PPP2R5E: variants seen among roughly 807,000 people sequenced by gnomAD.
PPP2R5E encodes serine/threonine-protein phosphatase 2A 56 kDa regulatory subunit epsilon isoform.
Under a neutral mutation model 65.3 loss-of-function variants are expected in PPP2R5E, and 4 were observed. The ratio of observed to expected loss-of-function variants is 0.06; its 90% CI spans 0.03 to 0.14. PPP2R5E has a LOEUF of 0.14. PPP2R5E is among the 10% of genes least tolerant of loss of function. The probability of loss-of-function intolerance (pLI) is 1.00; values close to 1 mark genes in which losing one functional copy is unlikely to be tolerated. For synonymous variants in PPP2R5E, 183 were observed against 187.4 expected, an observed-to-expected ratio of 0.98 and a Z score of 0.19; for missense variants, 274 against 556.1, an observed-to-expected ratio of 0.49 and a Z score of 5.10.
intron 2 of PPP2R5E, among the ~76,000 whole-genome samples, chr14:63,501,008 C>T (rs551257823): frequency 6.0e-4 from 92 of 152,318 alleles, no homozygotes; most frequent in Middle Eastern, 3.4e-3. Context: ...CTATTATTAT[C>T]TCCCACTTTA....
At chr14:63,501,120 C>A (rs532957807) in intron 2 of PPP2R5E, among the ~76,000 whole-genome samples, 1 of 152,184 alleles carries the variant, frequency 6.6e-6, no homozygotes, top group East Asian at 1.9e-4. Flanking sequence ...TTAATAAGGG[C>A]CGGGCGCAGT....
chr14:63,492,736 A>AT (rs1031254918), intron 2 of PPP2R5E, among the ~76,000 whole-genome samples: 4 of 152,004 alleles, frequency 2.6e-5, no homozygotes, highest in African/African-American at 9.7e-5. Flanking sequence ...TGTTTGTTGA[A>AT]TTTTTTTGTT....
At chr14:63,397,502 TA>T (rs1163450765) in intron 5 of PPP2R5E, among the ~76,000 whole-genome samples, 3,283 of 62,156 alleles carry the variant, frequency 0.053, 204 homozygotes, top group African/African-American at 0.18. Context: ...ATTCGGTCTT[TA>T]AAAAAAAAAA....
chr14:63,493,846 C>T (rs1891410081), intron 2 of PPP2R5E, among the ~76,000 whole-genome samples: 2 of 152,038 alleles, frequency 1.3e-5, no homozygotes, highest in African/African-American at 4.8e-5. Flanking sequence ...ATAAGATTAA[C>T]CAGTAATGAT....
chr14:63,498,945 T>C (rs7144596), intron 2 of PPP2R5E, among the ~76,000 whole-genome samples: 6,447 of 152,136 alleles, frequency 0.042, 419 homozygotes, highest in African/African-American at 0.14. Context: ...ATATTAGGAA[T>C]CGTAAGTGAA....
chr14:63,527,644 T>G (rs1157618765), intron 2 of PPP2R5E, among the ~76,000 whole-genome samples: 1 of 152,086 alleles, frequency 6.6e-6, no homozygotes, highest in Non-Finnish European at 1.5e-5. Context: ...GGCTTAGAAG[T>G]CAGCTCCTGG....
intron 2 of PPP2R5E, among the ~76,000 whole-genome samples, chr14:63,534,858 G>A (rs1392955401): frequency 3.3e-5 from 5 of 152,070 alleles, no homozygotes; most frequent in Admixed American, 6.5e-5. Context: ...GGGCTTAAGC[G>A]AGCCTCCCAA....
chr14:63,467,930 A>G (rs1889919544), intron 2 of PPP2R5E, among the ~76,000 whole-genome samples: 1 of 152,240 alleles, frequency 6.6e-6, no homozygotes, highest in South Asian at 2.1e-4. Context: ...CTAGCTGGAA[A>G]AGCTTAGGTG....
At chr14:63,506,959 A>C (rs1892213598) in intron 2 of PPP2R5E, among the ~76,000 whole-genome samples, 1 of 152,252 alleles carries the variant, frequency 6.6e-6, no homozygotes, top group African/African-American at 2.4e-5. Flanking sequence ...TCAGCCACAA[A>C]AAGGAATGAA....
At chr14:63,499,540 C>T (rs1261181812) in intron 2 of PPP2R5E, among the ~76,000 whole-genome samples, 2 of 152,128 alleles carry the variant, frequency 1.3e-5, no homozygotes, top group Non-Finnish European at 2.9e-5. Context: ...GCCTGGCCAA[C>T]ACGGCAAAAC....
At chr14:63,427,894 T>C (rs2139908625) in intron 3 of PPP2R5E, among the ~76,000 whole-genome samples, 1 of 152,302 alleles carries the variant, frequency 6.6e-6, no homozygotes, top group South Asian at 2.1e-4. Flanking sequence ...ACAGAGAAAG[T>C]TCCCAGGGTT....
At chr14:63,468,101 ATGT>A (rs1281198261) in intron 2 of PPP2R5E, among the ~76,000 whole-genome samples, 4 of 152,358 alleles carry the variant, frequency 2.6e-5, no homozygotes, top group African/African-American at 4.8e-5. Flanking sequence ...TGCTAAATTA[ATGT>A]TGTTGTTAAA....
intron 12 of PPP2R5E, among the ~76,000 whole-genome samples, chr14:63,382,857 A>G (rs1884446320): frequency 6.6e-6 from 1 of 152,184 alleles, no homozygotes; most frequent in African/African-American, 2.4e-5. Flanking sequence ...ATAGAATTCT[A>G]TTTTCTAAAT....
intron 2 of PPP2R5E, among the ~76,000 whole-genome samples, chr14:63,480,342 G>C (rs1890632836): frequency 6.6e-6 from 1 of 152,116 alleles, no homozygotes; most frequent in Non-Finnish European, 1.5e-5. Flanking sequence ...TGTAATCCCA[G>C]CTACTCGGGA....
chr14:63,518,277 T>C (rs113057721), intron 2 of PPP2R5E, among the ~76,000 whole-genome samples: 3 of 152,190 alleles, frequency 2.0e-5, no homozygotes, highest in Non-Finnish European at 4.4e-5. Context: ...GGTCTCACTC[T>C]GTCACCCAGT....
At chr14:63,441,825 C>T (rs1888253347) in intron 3 of PPP2R5E, among the ~76,000 whole-genome samples, 1 of 151,340 alleles carries the variant, frequency 6.6e-6, no homozygotes, top group Non-Finnish European at 1.5e-5. Context: ...CAGGAGAACG[C>T]CATGAACCTG....
chr14:63,374,634 G>GATATATATATATATATATATATATAT lies in PPP2R5E; in HGVS notation c.*1349_*1374dup, dbSNP rs35587312. The GATATATATATATATATATATATATAT allele has an allele frequency of 1.3e-4, 14 of 109,568 alleles. No homozygotes were observed. Among genetic ancestry groups the GATATATATATATATATATATATATAT allele is most frequent in the African/African-American group, 6.3e-4 (13 of 20,668 alleles). The allele number at this position is 109,568 out of a possible 1,614,324, so 6.8% of individuals were successfully genotyped here. On this transcript the variant is annotated 3_prime_UTR_variant, in exon 14 of 14. Coordinates refer to ENST00000337537, the MANE Select transcript of PPP2R5E (RefSeq NM_006246.5). The stretch of plus-strand genomic sequence containing the variant: ...TAAATACAAAGCAGAGAGCCAATAA[G>GATATATATATATATATATATATATAT]ATATATATATATATATATATATATA...
intron 3 of PPP2R5E, among the ~76,000 whole-genome samples, chr14:63,445,277 TCA>T (rs1279212873): frequency 6.6e-6 from 1 of 152,238 alleles, no homozygotes; most frequent in Non-Finnish European, 1.5e-5. Flanking sequence ...AATAAAGTAG[TCA>T]CACACATTTT....
chr14:63,444,097 G>C (rs1454273185), intron 3 of PPP2R5E, among the ~76,000 whole-genome samples: 1 of 152,162 alleles, frequency 6.6e-6, no homozygotes, highest in African/African-American at 2.4e-5. Context: ...TTGTCTGTCA[G>C]GTTCTTTCAG....
Sources: allele counts gnomAD v4.1 joint callset (sites outside exome capture counted in the v4.1 genomes callset), GRCh38; gene constraint gnomAD v4.1.1; transcripts MANE v1.5; gene names NCBI Gene and HGNC (gene_info 2026-07-23, HGNC 2026-07-21).